The following RHOU variants were observed in gnomAD, a reference collection of about 807,000 sequenced individuals.
The protein encoded by RHOU is ras homolog family member U.
A neutral mutation model predicts 12.6 loss-of-function variants in RHOU; 8 were observed. That is an observed-to-expected ratio of 0.64 (90% CI 0.37 to 1.15). The LOEUF (loss-of-function observed/expected upper bound fraction) is 1.15. RHOU is among the 50% of genes most tolerant of loss of function. The pLI is 0.01. For missense variants in RHOU, 258 were observed against 347.0 expected (o/e 0.74, Z 2.04); for synonymous variants, 161 against 147.4 (o/e 1.09, Z -0.67).
At chr1:228,742,495 A>G (rs1250299989) in intron 2 of RHOU, among the ~76,000 whole-genome samples, 4 of 152,230 alleles carry the variant, frequency 2.6e-5, no homozygotes, top group Non-Finnish European at 5.9e-5. Flanking sequence ...TTATCTGTCC[A>G]AAGCACTGTA....
At chr1:228,736,860 C>T (rs1400347117) in intron 1 of RHOU, among the ~76,000 whole-genome samples, 1 of 152,178 alleles carries the variant, frequency 6.6e-6, no homozygotes, top group Non-Finnish European at 1.5e-5. Context: ...TCTGACCTTC[C>T]TTTCATCCCA....
At position 228,735,958 on chromosome 1, in the gene RHOU, C is replaced by T. The variant is rs1483445905; in HGVS notation, c.216C>T (p.Asn72=). 2 of 1,583,064 alleles carry T rather than the reference C, an allele frequency of 1.3e-6. No homozygotes were observed. Among genetic ancestry groups the T allele is most frequent in the Non-Finnish European group, 1.7e-6 (2 of 1,168,620 alleles). ...KTSLVVSYTT[N]GYPTEYIPTA... ...GCCTGGTGGTGAGCTACACCACCAA[C>T]GGCTACCCCACCGAGTACATCCCTA... is the stretch of plus-strand genomic sequence containing the variant. The change falls in exon 1 of 3, where the codon AAC becomes AAT. Residue 72 remains asparagine, a synonymous_variant. Coordinates refer to ENST00000366691, the MANE Select transcript of RHOU (RefSeq NM_021205.6). The surrounding 1 kb of genome is among the most constrained non-coding windows in gnomAD (Gnocchi z 8.1).
At chr1:228,685,466 A>G in the RHOU span, among the ~76,000 whole-genome samples, 1 of 152,228 alleles carries the variant, frequency 6.6e-6, no homozygotes, top group African/African-American at 2.4e-5. Flanking sequence ...TGTAAAGAGA[A>G]ATGACCACAA....
At chr1:228,723,970 C>G in the RHOU span, among the ~76,000 whole-genome samples, 13 of 152,208 alleles carry the variant, frequency 8.5e-5, no homozygotes, top group African/African-American at 2.4e-4. Context: ...GGGACTTGCT[C>G]TCTTACATCT....
chr1:228,648,566 G>T, the RHOU span, among the ~76,000 whole-genome samples: 1 of 152,116 alleles, frequency 6.6e-6, no homozygotes, highest in Admixed American at 6.5e-5. Context: ...ACCCAGAGCC[G>T]TTTCTTTAAA....
the RHOU span, among the ~76,000 whole-genome samples, chr1:228,686,133 T>A: frequency 6.6e-6 from 1 of 152,184 alleles, no homozygotes; most frequent in Non-Finnish European, 1.5e-5. Flanking sequence ...TTAGTTATAA[T>A]TTTGCTACTT....
chr1:228,713,450 TC>T, the RHOU span, among the ~76,000 whole-genome samples: 12 of 152,266 alleles, frequency 7.9e-5, no homozygotes, highest in African/African-American at 2.9e-4. Context: ...CTTTGTACTA[TC>T]CTTTTTTTGT....
At chr1:228,711,010 A>C in the RHOU span, among the ~76,000 whole-genome samples, 1 of 152,274 alleles carries the variant, frequency 6.6e-6, no homozygotes, top group African/African-American at 2.4e-5. Context: ...ATTCTTATAC[A>C]CCAACAGACA....
the RHOU span, among the ~76,000 whole-genome samples, chr1:228,665,624 G>A: frequency 1.3e-4 from 20 of 152,182 alleles, no homozygotes; most frequent in African/African-American, 4.3e-4. Flanking sequence ...ACACTAATAT[G>A]AGTCCCAGAG....
the RHOU span, among the ~76,000 whole-genome samples, chr1:228,654,652 A>C: frequency 2.6e-5 from 4 of 152,224 alleles, no homozygotes; most frequent in Non-Finnish European, 5.9e-5. Flanking sequence ...ATAATGACAT[A>C]ATTGAAATTT....
At chr1:228,659,955 C>CAAAA in the RHOU span, among the ~76,000 whole-genome samples, 7 of 34,550 alleles carry the variant, frequency 2.0e-4, no homozygotes, top group Non-Finnish European at 3.1e-4. Flanking sequence ...CTGGTCTCTA[C>CAAAA]AAAAAAAAAA....
chr1:228,742,748 G>A (rs545753328), intron 2 of RHOU, among the ~76,000 whole-genome samples: 5 of 152,344 alleles, frequency 3.3e-5, no homozygotes, highest in East Asian at 1.9e-4. Context: ...TGGGCAGAGC[G>A]TGTGCACAGT....
At chr1:228,707,451 C>T in the RHOU span, among the ~76,000 whole-genome samples, 3 of 151,264 alleles carry the variant, frequency 2.0e-5, no homozygotes, top group Non-Finnish European at 4.4e-5. Flanking sequence ...CAGCACGCAG[C>T]TGGAGATCTG....
Position 228,743,495 on chromosome 1 carries a change from T to C in RHOU, c.532T>C (p.Cys178Arg), listed in dbSNP as rs748282686. 3.1e-6 allele frequency: 5 copies of C among 1,613,896 alleles called. No homozygotes were observed. In the African/African-American group the frequency reaches 5.3e-5, roughly 17 times the overall value. ...CAAAGTCCTCATTGAGTTGGACAAA[T>C]GCAAAGAAAAGCCAGTGCCTGAAGA... ...DVKVLIELDK[C>R]KEKPVPEEAA... Residue 178 changes from cysteine (C) to arginine (R), a missense_variant, in exon 3 of 3, where the codon TGC becomes CGC. Physicochemically the swap from Cys to Arg is radical, Grantham distance 180. Transcript: ENST00000366691. The surrounding 1 kb of genome is among the most constrained non-coding windows in gnomAD (Gnocchi z 5.1).
the RHOU span, among the ~76,000 whole-genome samples, chr1:228,679,456 G>A: frequency 6.8e-6 from 1 of 147,360 alleles, no homozygotes; most frequent in Non-Finnish European, 1.5e-5. Context: ...TATGGGGTCA[G>A]CTAGGTTTAT....
At chr1:228,651,151 G>T in the RHOU span, 1 of 206,846 alleles carries the variant, frequency 4.8e-6, no homozygotes, top group Non-Finnish European at 1.0e-5. Flanking sequence ...TCATGGGCCA[G>T]CTCCTGCGGT....
At chr1:228,681,388 C>A in the RHOU span, among the ~76,000 whole-genome samples, 1 of 151,876 alleles carries the variant, frequency 6.6e-6, no homozygotes, top group Non-Finnish European at 1.5e-5. Context: ...TGAGGAGGAG[C>A]AGTCTGGGGA....
chr1:228,720,824 T>A, the RHOU span, among the ~76,000 whole-genome samples: 1 of 152,210 alleles, frequency 6.6e-6, no homozygotes, highest in Non-Finnish European at 1.5e-5. Context: ...CAGGATCACA[T>A]GTAGGCCCCT....
At chr1:228,647,698 G>T in the RHOU span, among the ~76,000 whole-genome samples, 5 of 152,198 alleles carry the variant, frequency 3.3e-5, no homozygotes, top group African/African-American at 1.2e-4. Flanking sequence ...GATCTGAGGC[G>T]TGGTGTTTCT....
Sources: gnomAD v4.1 joint callset for allele counts (sites outside exome capture counted in the v4.1 genomes callset) on GRCh38, gnomAD v4.1.1 for gene constraint, Gnocchi (gnomAD v3.1) non-coding constraint, MANE v1.5 for transcripts, NCBI Gene and HGNC (gene_info 2026-07-23, HGNC 2026-07-21) for gene names.